VAV2: variants seen among roughly 807,000 people sequenced by gnomAD.
VAV2 encodes the protein vav guanine nucleotide exchange factor 2.
In VAV2, 67 loss-of-function variants were observed where a neutral mutation model predicts 132.5. The observed-to-expected ratio is 0.51, with a 90% CI of 0.42 to 0.62. VAV2 has a LOEUF of 0.62. Among genes scored for constraint, VAV2 ranks in the 20% least tolerant of loss-of-function variants. The pLI, the probability that VAV2 is intolerant of heterozygous loss-of-function variation, is 0.00. For synonymous variants in VAV2, 492 were observed against 443.5 expected (o/e 1.11, Z -1.37); for missense variants, 938 against 1,153.6 (o/e 0.81, Z 2.71).
intron 1 of VAV2, among the ~76,000 whole-genome samples, chr9:133,985,966 C>A (rs1842845993): frequency 6.6e-6 from 1 of 151,340 alleles, no homozygotes. Context: ...AAAAGAAAAG[C>A]AGAGATGGAT....
Position 133,857,642 on chromosome 9 carries a change from T to G in VAV2, c.380+3732A>C, listed in dbSNP as rs1481932796. Among the ~76,000 whole-genome samples the G allele has an allele frequency of 6.6e-6, 1 of 152,314 alleles. No individual in the cohort carries two copies. The highest frequency in any genetic ancestry group is 1.9e-4 in the East Asian group (1 of 5,180). On this transcript the variant is annotated intron_variant, in intron 3 of 29. Coordinates refer to ENST00000371850, the MANE Select transcript of VAV2 (RefSeq NM_001134398.2). The surrounding 1 kb of genome is among the most constrained non-coding windows in gnomAD (Gnocchi z 4.0). Reference sequence around the variant, plus strand: ...AATGAAATAGTGTCTTGTGAAGTGCTGGTGGCTGCCCCCAGAAGGTTCAAT... The same window carrying G: ...AATGAAATAGTGTCTTGTGAAGTGCGGGTGGCTGCCCCCAGAAGGTTCAAT...
intron 19 of VAV2, among the ~76,000 whole-genome samples, 162 bp downstream of exon 19, chr9:133,783,341 G>A (rs1432094154): frequency 2.6e-5 from 4 of 152,126 alleles, no homozygotes; most frequent in African/African-American, 4.8e-5. Context: ...TGTGACGTGC[G>A]GCAGGCGTCT....
chr9:133,877,342 G>A (rs1838304360), intron 2 of VAV2, among the ~76,000 whole-genome samples: 2 of 152,274 alleles, frequency 1.3e-5, no homozygotes, highest in South Asian at 4.2e-4. Flanking sequence ...GCAATCCACT[G>A]GCCAGGCGGA....
chr9:133,869,975 T>C (rs1211449884), intron 2 of VAV2, among the ~76,000 whole-genome samples: 1 of 152,246 alleles, frequency 6.6e-6, no homozygotes, highest in Non-Finnish European at 1.5e-5. Flanking sequence ...TATAAATTAC[T>C]TTCTCTAACT....
In VAV2 at chr9:133,885,420, C is replaced by T. The variant is rs1838664402; in HGVS notation, c.322-23988G>A. Among the ~76,000 whole-genome samples the T allele has an allele frequency of 6.6e-6, 1 of 152,190 alleles. No homozygotes were observed. Among genetic ancestry groups the T allele is most frequent in the African/African-American group, 2.4e-5 (1 of 41,444 alleles). On this transcript the variant is annotated intron_variant, in intron 2 of 29. Coordinates refer to ENST00000371850, the MANE Select transcript of VAV2 (RefSeq NM_001134398.2). The surrounding 1 kb of genome is among the most constrained non-coding windows in gnomAD (Gnocchi z 5.0). The stretch of plus-strand genomic sequence containing the variant: ...CCCAGCGATTTGTGTTTCTCAGAGC[C>T]CTCTCATTCCAAAACAAGTCTTGAT...
chr9:133,924,276 G>A (rs551416701), intron 2 of VAV2, among the ~76,000 whole-genome samples: 2 of 152,094 alleles, frequency 1.3e-5, no homozygotes, highest in Non-Finnish European at 2.9e-5. Flanking sequence ...TCCAATTCCC[G>A]GGTTCAAGCC....
chr9:133,943,135 G>A lies in VAV2; in HGVS notation c.205-3916C>T, dbSNP rs187018206. Among the ~76,000 whole-genome samples, 4 of 152,346 alleles carry A rather than the reference G, an allele frequency of 2.6e-5. No homozygotes were observed. In the East Asian group the frequency reaches 5.8e-4, roughly 22 times the overall value. On this transcript the variant is annotated intron_variant, in intron 1 of 29. Transcript: ENST00000371850. ...CAGGGCAAAGGCCCTCTGAGAGGACGGGCGTGTGGGCAGGCACCAGGTCCC... is the reference window on the plus strand; with the variant it reads ...CAGGGCAAAGGCCCTCTGAGAGGACAGGCGTGTGGGCAGGCACCAGGTCCC...
intron 2 of VAV2, among the ~76,000 whole-genome samples, chr9:133,870,518 A>T (rs1280963029): frequency 6.6e-6 from 1 of 152,216 alleles, no homozygotes; most frequent in African/African-American, 2.4e-5. Flanking sequence ...CAGGATGTAA[A>T]AATGATACCC....
chr9:133,891,302 T>G (rs1423194502), intron 2 of VAV2, among the ~76,000 whole-genome samples: 6 of 48,156 alleles, frequency 1.2e-4, no homozygotes, highest in African/African-American at 2.7e-4. Context: ...AGGGAAGGGA[T>G]GGGGGATGGA....
chr9:133,791,300 G>A (rs995441305), intron 13 of VAV2, among the ~76,000 whole-genome samples: 1 of 152,160 alleles, frequency 6.6e-6, no homozygotes, highest in African/African-American at 2.4e-5. Flanking sequence ...CTGCCTGATG[G>A]GGTCCGAGGA....
chr9:133,831,554 C>T (rs1303523237), intron 4 of VAV2, among the ~76,000 whole-genome samples: 3 of 152,164 alleles, frequency 2.0e-5, no homozygotes, highest in Non-Finnish European at 2.9e-5. Flanking sequence ...GCAGGCCTGG[C>T]CATGTGGGGG....
At chr9:133,887,316 G>A (rs1345849625) in intron 2 of VAV2, among the ~76,000 whole-genome samples, 1 of 152,164 alleles carries the variant, frequency 6.6e-6, no homozygotes, top group Non-Finnish European at 1.5e-5. Flanking sequence ...AAACAAAGCT[G>A]AACGCAGCTG....
At chr9:133,943,426 G>A (rs1290886225) in intron 1 of VAV2, among the ~76,000 whole-genome samples, 2 of 152,230 alleles carry the variant, frequency 1.3e-5, no homozygotes, top group African/African-American at 4.8e-5. Context: ...AGCTATGAAG[G>A]CTGGCTTCAG....
intron 2 of VAV2, among the ~76,000 whole-genome samples, chr9:133,917,430 G>A (rs113036158): frequency 0.015 from 1,965 of 128,922 alleles, 40 homozygotes; most frequent in African/African-American, 0.057. Context: ...GAGAAAAACA[G>A]AAAACTCTTT....
intron 4 of VAV2, among the ~76,000 whole-genome samples, chr9:133,831,603 G>C (rs1333307860): frequency 6.6e-6 from 1 of 152,198 alleles, no homozygotes; most frequent in African/African-American, 2.4e-5. Flanking sequence ...ACACCCAGGA[G>C]GCTCCTACGG....
chr9:133,775,067 G>A lies in VAV2; in HGVS notation c.2019-16C>T, dbSNP rs200792737. Reference sequence around the variant, plus strand: ...ACCTGCAAACCTACAGGAGGGGGCCGGGAGGAAACGAGAGCCGCAGTGAGG... The same window carrying A: ...ACCTGCAAACCTACAGGAGGGGGCCAGGAGGAAACGAGAGCCGCAGTGAGG... On this transcript the variant is annotated splice_polypyrimidine_tract_variant and intron_variant, in intron 24 of 29. Transcript: ENST00000371850. 223 of 1,586,928 alleles carry A rather than the reference G, an allele frequency of 1.4e-4. 1 individual carries two copies. The Middle Eastern group carries it at 2.8e-3, about 20-fold the overall frequency.
intron 2 of VAV2, among the ~76,000 whole-genome samples, chr9:133,899,881 C>T (rs1446581059): frequency 1.3e-5 from 2 of 151,388 alleles, no homozygotes; most frequent in Admixed American, 6.6e-5. Context: ...ATTAACTGGG[C>T]GTGGTGGCGG....
intron 26 of VAV2, among the ~76,000 whole-genome samples, chr9:133,771,517 C>G (rs114151690): frequency 0.011 from 1,601 of 152,336 alleles, 20 homozygotes; most frequent in African/African-American, 0.037. Flanking sequence ...ATTTCAAGGA[C>G]TATGCCTCTA....
rs1264291183 is a variant in VAV2 at position 133,991,267 on chromosome 9, CAA to C, written c.204+806_204+807del. On this transcript the variant is annotated intron_variant, in intron 1 of 29. Coordinates refer to ENST00000371850, the MANE Select transcript of VAV2 (RefSeq NM_001134398.2). The surrounding 1 kb of genome is among the most constrained non-coding windows in gnomAD (Gnocchi z 4.8). The stretch of plus-strand genomic sequence containing the variant: ...AACAGGACGGAAGCCTCGATTCTCT[CAA>C]GTCTTAGCCAAGTTCCCTCTTAAGA... 6.6e-6 allele frequency among the ~76,000 whole-genome samples: 1 copy of C among 152,198 alleles called. No homozygotes were observed. Among genetic ancestry groups the C allele is most frequent in the South Asian group, 2.1e-4 (1 of 4,826 alleles).
Sources: allele counts gnomAD v4.1 joint callset (sites outside exome capture counted in the v4.1 genomes callset), GRCh38; gene constraint gnomAD v4.1.1; non-coding constraint Gnocchi (gnomAD v3.1); transcripts MANE v1.5; gene names NCBI Gene and HGNC (gene_info 2026-07-23, HGNC 2026-07-21).